Variants in STMN4 observed in about 807,000 individuals in gnomAD.
STMN4 encodes the protein stathmin 4.
A neutral mutation model predicts 29.1 loss-of-function variants in STMN4; 12 were observed. The ratio of observed to expected loss-of-function variants is 0.41; its 90% CI spans 0.26 to 0.67. The LOEUF is 0.67. STMN4 is among the 30% of genes least tolerant of loss of function. The pLI, the probability that STMN4 is intolerant of heterozygous loss-of-function variation, is 0.30. For synonymous variants in STMN4, 114 were observed against 105.3 expected, an observed-to-expected ratio of 1.08 and a Z score of -0.51; for missense variants, 181 against 262.8, an observed-to-expected ratio of 0.69 and a Z score of 2.15.
chr8:27,243,287 T>C (rs1563415435), intron 2 of STMN4, among the ~76,000 whole-genome samples: 1 of 152,200 alleles, frequency 6.6e-6, no homozygotes, highest in Non-Finnish European at 1.5e-5. Flanking sequence ...TTGCCCAGGC[T>C]GGACTCAAAC....
chr8:27,249,003 G>A (rs1801708332), intron 1 of STMN4, among the ~76,000 whole-genome samples: 1 of 152,182 alleles, frequency 6.6e-6, no homozygotes, highest in South Asian at 2.1e-4. Flanking sequence ...CAGCATCTAA[G>A]AGTCTGTACA....
rs369158211 is a variant in STMN4 at position 27,238,114 on chromosome 8, G to T, written c.592-1209C>A. ...GTGAGGAGTGGTGTGCACAGGGCAG[G>T]GGTTCCCAAACTTTGGTATGTATCA... is the stretch of plus-strand genomic sequence containing the variant. On this transcript the variant is annotated intron_variant, in intron 6 of 6. Coordinates refer to ENST00000350889, the MANE Select transcript of STMN4 (RefSeq NM_030795.4). Among the ~76,000 whole-genome samples the T allele has an allele frequency of 8.5e-5, 13 of 152,242 alleles. No individual in the cohort carries two copies. In the East Asian group the frequency reaches 2.5e-3, roughly 29 times the overall value.
rs565987465 is a variant in STMN4, at chr8:27,243,812, G to A, written c.-78-11C>T. On this transcript the variant is annotated splice_polypyrimidine_tract_variant and intron_variant, in intron 1 of 6. Coordinates refer to ENST00000350889, the MANE Select transcript of STMN4 (RefSeq NM_030795.4). ...GACGCTGTCACCAACCTGAGAAAAGGGGAGGACAGGATTTTACCATCGATG... is the reference window on the plus strand; with the variant it reads ...GACGCTGTCACCAACCTGAGAAAAGAGGAGGACAGGATTTTACCATCGATG... 3 of 1,612,718 alleles carry A rather than the reference G, an allele frequency of 1.9e-6. No homozygotes were observed. Among genetic ancestry groups the A allele is most frequent in the Admixed American group, 3.3e-5 (2 of 60,000 alleles).
chr8:27,249,642 C>T (rs1220276336), intron 1 of STMN4, among the ~76,000 whole-genome samples: 1 of 152,154 alleles, frequency 6.6e-6, no homozygotes, highest in Non-Finnish European at 1.5e-5. Flanking sequence ...CCCACATGGT[C>T]ACCAGAGCAG....
At chr8:27,253,817 C>T (rs1017474145) in intron 1 of STMN4, among the ~76,000 whole-genome samples, 1 of 149,066 alleles carries the variant, frequency 6.7e-6, no homozygotes, top group Admixed American at 6.8e-5. Flanking sequence ...GAGTCTTGCT[C>T]TGTCACCCAG....
rs949061640 is a variant in STMN4 at position 27,235,333 on chromosome 8, C to G, written c.*1513G>C. The stretch of plus-strand genomic sequence containing the variant: ...TGAGAAGAAAGAAAAAAAGGCTATA[C>G]CAAAGGGTTTATTTGCAAAGCTGTA... On this transcript the variant is annotated 3_prime_UTR_variant, in exon 7 of 7. Transcript: ENST00000350889. 6.4e-6 allele frequency: 1 copy of G among 155,176 alleles called. No homozygotes were observed. The highest frequency in any genetic ancestry group is 2.4e-5 in the African/African-American group (1 of 41,368). The allele number at this position is 155,176 out of a possible 1,614,324, so 9.6% of individuals were successfully genotyped here.
At chr8:27,249,488 T>A (rs1013342381) in intron 1 of STMN4, among the ~76,000 whole-genome samples, 4 of 152,164 alleles carry the variant, frequency 2.6e-5, no homozygotes. Context: ...AAAATGCCAA[T>A]AGCCTCCTAC....
At chr8:27,244,756 G>A (rs1435860255) in intron 1 of STMN4, among the ~76,000 whole-genome samples, 2 of 152,266 alleles carry the variant, frequency 1.3e-5, no homozygotes, top group East Asian at 1.9e-4. Flanking sequence ...AGGAGGGGGC[G>A]GGGCAGGAGA....
intron 1 of STMN4, among the ~76,000 whole-genome samples, chr8:27,253,632 T>C (rs921877003): frequency 2.6e-5 from 4 of 152,248 alleles, no homozygotes; most frequent in African/African-American, 9.6e-5. Context: ...TTTATAAATA[T>C]GCCAATTATA....
In STMN4 at chr8:27,236,608, T is replaced by C; in HGVS notation, c.*238A>G. On this transcript the variant is annotated 3_prime_UTR_variant, in exon 7 of 7. Transcript: ENST00000350889. The stretch of plus-strand genomic sequence containing the variant: ...CCTTGAGTTCTTCTCCATCTCCCTT[T>C]CCCAAACTCTCTCCTCTCCCCTCTC... The C allele has an allele frequency of 2.5e-6, 1 of 393,762 alleles. No homozygotes were observed. The highest frequency in any genetic ancestry group is 4.6e-5 in the Admixed American group (1 of 21,680). The allele number at this position is 393,762 out of a possible 1,614,324, so 24.4% of individuals were successfully genotyped here.
rs757508637 is a variant in STMN4, at chr8:27,242,508, G to C, written c.14-16C>G. 6 of 1,613,314 alleles carry C rather than the reference G, an allele frequency of 3.7e-6. No homozygotes were observed. The highest frequency in any genetic ancestry group is 5.1e-6 in the Non-Finnish European group (6 of 1,179,486). ...TCTTTGTAGGCTGCGGAAACACCCA[G>C]TCAGGTGAGGATGGCGCCTCTCCTA... On this transcript the variant is annotated splice_polypyrimidine_tract_variant and intron_variant, in intron 2 of 6. Coordinates refer to ENST00000350889, the MANE Select transcript of STMN4 (RefSeq NM_030795.4).
intron 6 of STMN4, 109 bp from the exon 7 acceptor site, chr8:27,237,014 C>T (rs759230612): frequency 1.4e-4 from 173 of 1,213,766 alleles, no homozygotes; most frequent in Admixed American, 5.2e-4. Context: ...CCACAGGCAG[C>T]GAAGAGCTCT....
chr8:27,246,009 T>C (rs1563417510), intron 1 of STMN4, among the ~76,000 whole-genome samples: 1 of 152,110 alleles, frequency 6.6e-6, no homozygotes, highest in Non-Finnish European at 1.5e-5. Flanking sequence ...GTCACACAGC[T>C]CTAAGGGTGC....
At chr8:27,257,846 C>T (rs1370601981) in intron 1 of STMN4, among the ~76,000 whole-genome samples, 1 of 152,106 alleles carries the variant, frequency 6.6e-6, no homozygotes, top group East Asian at 1.9e-4. Context: ...GATCTCATTG[C>T]ATCCTTAGAA....
At chr8:27,247,492 T>A (rs1192958856) in intron 1 of STMN4, among the ~76,000 whole-genome samples, 1 of 152,146 alleles carries the variant, frequency 6.6e-6, no homozygotes, top group African/African-American at 2.4e-5. Context: ...CCCAACTTTA[T>A]CCCTAATAAC....
chr8:27,241,867 C>T (rs2130072060), intron 3 of STMN4, 110 bp from the exon 4 acceptor site: 1 of 1,295,564 alleles, frequency 7.7e-7, no homozygotes. Context: ...TGACCTGGTC[C>T]CCGAGCACCC....
intron 1 of STMN4, among the ~76,000 whole-genome samples, chr8:27,252,464 T>G (rs1326128481): frequency 6.6e-6 from 1 of 152,118 alleles, no homozygotes; most frequent in East Asian, 1.9e-4. Context: ...CAAAAAAAAT[T>G]TTTTAAGGTA....
chr8:27,243,661 A>T lies in STMN4; in HGVS notation c.13+50T>A, dbSNP rs1243092921. 1.9e-6 allele frequency: 3 copies of T among 1,576,602 alleles called. No individual in the cohort carries two copies. The Admixed American group carries it at 5.0e-5, about 26-fold the overall frequency. On this transcript the variant is annotated intron_variant, in intron 2 of 6. Coordinates refer to ENST00000350889, the MANE Select transcript of STMN4 (RefSeq NM_030795.4). The stretch of plus-strand genomic sequence containing the variant: ...TGCTTCTGTGAGTCCATGTTGGGTG[A>T]GGGCAGGGGGAATAGCCTACGCCCC...
intron 1 of STMN4, among the ~76,000 whole-genome samples, chr8:27,246,684 G>A (rs1363168943): frequency 3.3e-5 from 5 of 152,150 alleles, no homozygotes; most frequent in African/African-American, 4.8e-5. Context: ...ATGTGCAGAC[G>A]GAGGCAGAGA....
Sources: gnomAD v4.1 joint callset for allele counts (sites outside exome capture counted in the v4.1 genomes callset) on GRCh38, gnomAD v4.1.1 for gene constraint, MANE v1.5 for transcripts, NCBI Gene and HGNC (gene_info 2026-07-23, HGNC 2026-07-21) for gene names.